Variants in DESI2 observed in about 807,000 individuals in gnomAD.
The protein encoded by DESI2 is desumoylating isopeptidase 2.
A neutral mutation model predicts 24.1 loss-of-function variants in DESI2; 10 were observed. The ratio of observed to expected loss-of-function variants is 0.41; its 90% CI spans 0.26 to 0.70. DESI2 has a LOEUF of 0.70. DESI2 is among the 30% of genes least tolerant of loss of function. The pLI is 0.29. For missense variants in DESI2, 122 were observed against 234.9 expected (o/e 0.52, Z 3.14); for synonymous variants, 71 against 87.7 (o/e 0.81, Z 1.06).
chr1:244,662,433 G>A (rs1675881309), intron 1 of DESI2, among the ~76,000 whole-genome samples: 1 of 151,638 alleles, frequency 6.6e-6, no homozygotes, highest in African/African-American at 2.4e-5. Context: ...TTTTTAATTG[G>A]GCTTGCACTA....
Position 244,708,238 on chromosome 1 carries a change from G to T in DESI2, c.*2449G>T, listed in dbSNP as rs1367836438. On this transcript the variant is annotated 3_prime_UTR_variant, in exon 5 of 5. Coordinates refer to ENST00000302550, the MANE Select transcript of DESI2 (RefSeq NM_016076.5). The stretch of plus-strand genomic sequence containing the variant: ...ACCAAGTGAACATACTTCTCATGGT[G>T]GGTTGGACAGTAATACATGTTAGAG... 6.6e-6 allele frequency: 1 copy of T among 152,472 alleles called. No individual in the cohort carries two copies. Among genetic ancestry groups the T allele is most frequent in the Non-Finnish European group, 1.5e-5 (1 of 68,050 alleles). The allele number at this position is 152,472 out of a possible 1,614,324, so 9.4% of individuals were successfully genotyped here. A position where few individuals can be genotyped will look rare whatever the true frequency, so the allele number is the denominator to read the frequency against.
intron 1 of DESI2, among the ~76,000 whole-genome samples, chr1:244,658,512 G>A (rs1017729608): frequency 2.6e-5 from 4 of 152,042 alleles, no homozygotes; most frequent in Admixed American, 6.5e-5. Flanking sequence ...CCATTACTGC[G>A]TATACTATCC....
In DESI2 at chr1:244,708,008, A is replaced by C. The variant is rs1318592713; in HGVS notation, c.*2219A>C. On this transcript the variant is annotated 3_prime_UTR_variant, in exon 5 of 5. Transcript: ENST00000302550. Reference sequence around the variant, plus strand: ...AATTATACCTGAGGTTGAGCAAGAAATGTCTTCCTTTAGAAAATCTCATTC... The same window carrying C: ...AATTATACCTGAGGTTGAGCAAGAACTGTCTTCCTTTAGAAAATCTCATTC... 6.6e-6 allele frequency: 1 copy of C among 152,200 alleles called. No homozygotes were observed. The highest frequency in any genetic ancestry group is 2.4e-5 in the African/African-American group (1 of 41,438). The allele number at this position is 152,200 out of a possible 1,614,324, so 9.4% of individuals were successfully genotyped here.
In DESI2 at chr1:244,664,595, G is replaced by A. The variant is rs578225420; in HGVS notation, c.42+11240G>A. 4.8e-4 allele frequency among the ~76,000 whole-genome samples: 73 copies of A among 152,208 alleles called. 1 individual carries two copies. The highest frequency in any genetic ancestry group is 8.2e-4 in the Non-Finnish European group (56 of 68,024). On this transcript the variant is annotated intron_variant, in intron 1 of 4. Transcript: ENST00000302550. ...TGCCTGTGATTCCAGCTACTTAAGG[G>A]ACTGAGATGGGAGGATTGCCTCAGC...
chr1:244,696,704 C>T (rs548883359), intron 4 of DESI2, among the ~76,000 whole-genome samples: 6 of 152,316 alleles, frequency 3.9e-5, no homozygotes, highest in African/African-American at 1.4e-4. Context: ...AAACTGCTGT[C>T]CTTAGAAAGG....
chr1:244,692,932 G>A (rs564380319), intron 4 of DESI2, among the ~76,000 whole-genome samples: 59 of 152,140 alleles, frequency 3.9e-4, no homozygotes, highest in Non-Finnish European at 7.9e-4. Flanking sequence ...GAACGTGAAG[G>A]TTCAAGAAAC....
intron 1 of DESI2, among the ~76,000 whole-genome samples, chr1:244,678,331 C>G (rs1479346781): frequency 6.6e-6 from 1 of 152,032 alleles, no homozygotes; most frequent in African/African-American, 2.4e-5. Flanking sequence ...ATCTTGAATA[C>G]AAGGAATTTT....
rs769392677 is a variant in DESI2, at chr1:244,689,203, A to G, written c.116-46A>G. On this transcript the variant is annotated intron_variant, in intron 2 of 4. Coordinates refer to ENST00000302550, the MANE Select transcript of DESI2 (RefSeq NM_016076.5). This position sits in a 1 kb window ranked among gnomAD's most constrained non-coding sequence, Gnocchi z 4.0. ...TAAAGCTAATTCAGCATTCTGGTTA[A>G]ATTTTATGTGATACATACTAAAAAT... The G allele has an allele frequency of 4.2e-6, 4 of 952,988 alleles. No homozygotes were observed. In the East Asian group the frequency reaches 9.6e-5, roughly 23 times the overall value. 59.0% of individuals were successfully genotyped at this position (952,988 alleles called of 1,614,324 possible). A position where few individuals can be genotyped will look rare whatever the true frequency, so the allele number is the denominator to read the frequency against.
chr1:244,654,839 A>G (rs1675591633), intron 1 of DESI2, among the ~76,000 whole-genome samples: 2 of 152,232 alleles, frequency 1.3e-5, no homozygotes, highest in East Asian at 3.9e-4. Context: ...CATGAGGGCT[A>G]TTACTGTCTT....
At position 244,670,208 on chromosome 1, in the gene DESI2, C is replaced by T. The variant is rs370299427; in HGVS notation, c.43-16389C>T. 4.4e-4 allele frequency among the ~76,000 whole-genome samples: 67 copies of T among 152,324 alleles called. 2 individuals are homozygous for T. The East Asian group carries it at 0.01, about 23-fold the overall frequency. Reference sequence around the variant, plus strand: ...CTGACCGCAAGTGATCCACCTGCCTCGGCCTCCCACAGTGCTGGGATTACA... The same window carrying T: ...CTGACCGCAAGTGATCCACCTGCCTTGGCCTCCCACAGTGCTGGGATTACA... On this transcript the variant is annotated intron_variant, in intron 1 of 4. Transcript: ENST00000302550.
At chr1:244,703,064 C>A (rs182256560) in intron 4 of DESI2, among the ~76,000 whole-genome samples, 21 of 144,664 alleles carry the variant, frequency 1.5e-4, no homozygotes, top group African/African-American at 5.5e-4. Context: ...TGCAGTGGCA[C>A]GATCTCAGCT....
At chr1:244,670,002 G>T (rs1309108753) in intron 1 of DESI2, among the ~76,000 whole-genome samples, 3 of 151,526 alleles carry the variant, frequency 2.0e-5, no homozygotes, top group Non-Finnish European at 4.4e-5. Context: ...TTGTTCCTAG[G>T]CTGGAGTGCG....
chr1:244,676,082 C>A (rs1009456582), intron 1 of DESI2, among the ~76,000 whole-genome samples: 2 of 18,036 alleles, frequency 1.1e-4, no homozygotes, highest in Non-Finnish European at 2.9e-4. Flanking sequence ...GAAATACAAT[C>A]AATTTTTTTT....
intron 1 of DESI2, among the ~76,000 whole-genome samples, chr1:244,661,409 T>C (rs956120412): frequency 6.6e-6 from 1 of 152,190 alleles, no homozygotes; most frequent in Non-Finnish European, 1.5e-5. Flanking sequence ...AAGCTAATTT[T>C]CTTTTTTTTT....
chr1:244,676,277 C>T (rs1323978714), intron 1 of DESI2, among the ~76,000 whole-genome samples: 3 of 151,968 alleles, frequency 2.0e-5, no homozygotes, highest in Non-Finnish European at 2.9e-5. Context: ...AGGGTTTCAC[C>T]GTGCTAGCCA....
At chr1:244,661,699 G>T (rs929619893) in intron 1 of DESI2, among the ~76,000 whole-genome samples, 1 of 152,080 alleles carries the variant, frequency 6.6e-6, no homozygotes, top group South Asian at 2.1e-4. Context: ...TGAGAATGAT[G>T]GTTTCCAGCT....
At position 244,673,200 on chromosome 1, in the gene DESI2, G is replaced by A. The variant is rs529868689; in HGVS notation, c.43-13397G>A. On this transcript the variant is annotated intron_variant, in intron 1 of 4. Transcript: ENST00000302550. ...GTTGTAAAGATTGAGCCTTCCAGGC[G>A]TGTTCTCTAATAATAGATCTAGGAA... 1.0e-3 allele frequency among the ~76,000 whole-genome samples: 158 copies of A among 152,262 alleles called. 2 individuals carry two copies. The highest frequency in any genetic ancestry group is 3.4e-3 in the Middle Eastern group (1 of 294).
At chr1:244,691,519 G>A (rs4658649) in intron 3 of DESI2, among the ~76,000 whole-genome samples, 36,047 of 152,228 alleles carry the variant, frequency 0.24, 5,246 homozygotes, top group Non-Finnish European at 0.32. Flanking sequence ...GTGAAATTAC[G>A]CAGGAATATT....
chr1:244,701,656 T>G (rs894987547), intron 4 of DESI2, among the ~76,000 whole-genome samples: 7 of 152,252 alleles, frequency 4.6e-5, no homozygotes, highest in Admixed American at 3.9e-4. Flanking sequence ...ATTTTCTCCC[T>G]TTTGGAACGG....
Sources: gnomAD v4.1 joint callset for allele counts (sites outside exome capture counted in the v4.1 genomes callset) on GRCh38, gnomAD v4.1.1 for gene constraint, Gnocchi (gnomAD v3.1) non-coding constraint, MANE v1.5 for transcripts, NCBI Gene and HGNC (gene_info 2026-07-23, HGNC 2026-07-21) for gene names.